Variants in VAPA observed in about 807,000 individuals in gnomAD.
VAPA encodes the protein VAMP associated protein A, also known as vesicle-associated membrane protein-associated protein A.
In VAPA, 6 loss-of-function variants were observed where a neutral mutation model predicts 25.6. That is an observed-to-expected ratio of 0.23 (90% CI 0.13 to 0.46). The LOEUF (loss-of-function observed/expected upper bound fraction) is 0.46. VAPA is among the 20% of genes least tolerant of loss of function. VAPA has a pLI of 0.99. For missense variants in VAPA, 244 were observed against 302.1 expected (o/e 0.81, Z 1.43); for synonymous variants, 112 against 106.2 (o/e 1.05, Z -0.34).
rs2069548122 is a variant in VAPA at position 9,956,141 on chromosome 18, T to C, written c.*1930T>C. On this transcript the variant is annotated 3_prime_UTR_variant, in exon 6 of 6. Transcript: ENST00000400000. Reference sequence around the variant, plus strand: ...AATTCATTTTGTTCAGCCCCTTTGTTCTATGGTTGAGAAATCTGAGGCCTT... The same window carrying C: ...AATTCATTTTGTTCAGCCCCTTTGTCCTATGGTTGAGAAATCTGAGGCCTT... 6.6e-6 allele frequency: 1 copy of C among 152,140 alleles called. No individual in the cohort carries two copies. The highest frequency in any genetic ancestry group is 2.4e-5 in the African/African-American group (1 of 41,418). The allele number at this position is 152,140 out of a possible 1,614,324, so 9.4% of individuals were successfully genotyped here. A position where few individuals can be genotyped will look rare whatever the true frequency, so the allele number is the denominator to read the frequency against.
chr18:9,946,292 A>G (rs2069422693), intron 4 of VAPA, among the ~76,000 whole-genome samples: 1 of 152,172 alleles, frequency 6.6e-6, no homozygotes, highest in Admixed American at 6.5e-5. Flanking sequence ...TTTTGCTCCT[A>G]GGCTACAGAC....
rs1427473781 is a variant in VAPA at position 9,950,616 on chromosome 18, A to G, written c.591+48A>G. The G allele has an allele frequency of 3.8e-6, 6 of 1,576,058 alleles. No individual in the cohort carries two copies. In the Admixed American group the frequency reaches 7.9e-5, roughly 21 times the overall value. On this transcript the variant is annotated intron_variant, in intron 5 of 5. Transcript: ENST00000400000. Reference sequence around the variant, plus strand: ...AAATTGATTGAAATGAAGGTATAGGACATGTGAGTGTTATTAGGCCATTTT... The same window carrying G: ...AAATTGATTGAAATGAAGGTATAGGGCATGTGAGTGTTATTAGGCCATTTT...
intron 1 of VAPA, chr18:9,914,781 C>G (rs1462774841): frequency 2.0e-5 from 3 of 152,408 alleles, no homozygotes; most frequent in Non-Finnish European, 4.4e-5. Context: ...GGAGTGGGCT[C>G]TGGAGGTGGC....
intron 4 of VAPA, among the ~76,000 whole-genome samples, chr18:9,939,518 CTTTTT>C (rs77169950): frequency 2.3e-5 from 3 of 133,154 alleles, no homozygotes; most frequent in Admixed American, 7.4e-5. Flanking sequence ...CGTTTCCTCT[CTTTTT>C]TTTTTTTTTT....
chr18:9,948,516 C>T (rs183818968), intron 4 of VAPA: 146 of 152,172 alleles, frequency 9.6e-4, no homozygotes, highest in African/African-American at 3.1e-3. Flanking sequence ...AATCAGTTGT[C>T]GAGCTTGATG....
At position 9,957,779 on chromosome 18, in the gene VAPA, C is replaced by CTAA. The variant is rs1320980295; in HGVS notation, c.*3570_*3572dup. ...TTTATATCCTGTTAAGCATTAATAGCTAATCACTGGGACTTGAATTCTGAT... is the reference window on the plus strand; with the variant it reads ...TTTATATCCTGTTAAGCATTAATAGCTAATAATCACTGGGACTTGAATTCTGAT... On this transcript the variant is annotated 3_prime_UTR_variant, in exon 6 of 6. Transcript: ENST00000400000. The CTAA allele has an allele frequency of 6.6e-6, 1 of 152,212 alleles. No individual in the cohort carries two copies. The highest frequency in any genetic ancestry group is 1.9e-4 in the East Asian group (1 of 5,192). The allele number at this position is 152,212 out of a possible 1,614,324, so 9.4% of individuals were successfully genotyped here.
rs955956154 is a variant in VAPA, at chr18:9,931,858, C to T, written c.128C>T (p.Ser43Leu). 5.6e-6 allele frequency: 9 copies of T among 1,613,618 alleles called. No homozygotes were observed. Among genetic ancestry groups the T allele is most frequent in the Admixed American group, 1.7e-5 (1 of 59,942 alleles). ...ACAAATCTTAAATTGCGAAATCCAT[C>T]GGATAGAAAAGTGTGTTTCAAAGTG... is the stretch of plus-strand genomic sequence containing the variant. ...VTTNLKLRNP[S>L]DRKVCFKVKT... is the part of the protein sequence containing the mutation. The change falls in exon 2 of 6, where the codon TCG becomes TTG. Residue 43 changes from serine to leucine, a missense_variant. By Grantham distance (145) the Ser-to-Leu change is moderately radical. Transcript: ENST00000400000.
At chr18:9,940,839 T>C (rs2069359995) in intron 4 of VAPA, among the ~76,000 whole-genome samples, 1 of 152,230 alleles carries the variant, frequency 6.6e-6, no homozygotes, top group South Asian at 2.1e-4. Flanking sequence ...GATTGTAATA[T>C]ATCACCATTT....
chr18:9,918,764 A>T, intron 1 of VAPA, among the ~76,000 whole-genome samples: 1 of 152,126 alleles, frequency 6.6e-6, no homozygotes, highest in Admixed American at 6.5e-5. Context: ...TTTAATTCAC[A>T]TTTTACCGTC....
At chr18:9,943,085 A>T (rs965092408) in intron 4 of VAPA, among the ~76,000 whole-genome samples, 1 of 152,166 alleles carries the variant, frequency 6.6e-6, no homozygotes, top group Non-Finnish European at 1.5e-5. Context: ...TAGGACCTTG[A>T]TACTGGATAT....
chr18:9,924,492 G>A (rs1278165190), intron 1 of VAPA, among the ~76,000 whole-genome samples: 1 of 152,170 alleles, frequency 6.6e-6, no homozygotes. Context: ...TCTGTGTTAA[G>A]ACTATTGTTT....
chr18:9,948,032 T>C (rs2069444207), intron 4 of VAPA: 1 of 152,248 alleles, frequency 6.6e-6, no homozygotes, highest in Admixed American at 6.5e-5. Flanking sequence ...GGCACACTTT[T>C]GAAATGTGTT....
At position 9,950,459 on chromosome 18, in the gene VAPA, A is replaced by T. The variant is rs904516287; in HGVS notation, c.482A>T (p.Lys161Ile). The T allele has an allele frequency of 6.2e-7, 1 of 1,614,192 alleles. No individual in the cohort carries two copies. The highest frequency in any genetic ancestry group is 1.3e-5 in the African/African-American group (1 of 75,078). The change falls in exon 5 of 6, where the codon AAA becomes ATA. Residue 161 changes from lysine to isoleucine, a missense_variant. This residue lies in a region of VAPA where 145 missense variants were observed against 140.6 expected (regional missense o/e 1.03). Transcript: ENST00000400000. ...TCTAAGCAAGATGGACCTATGCCAA[A>T]ACCACACAGTGTTTCACTTAATGAT... ...NASKQDGPMP[K>I]PHSVSLNDTE...
rs115310430 is a variant in VAPA, at chr18:9,923,874, C to G, written c.80-7936C>G. The G allele has an allele frequency of 3.0e-3, 455 of 153,004 alleles. 6 individuals are homozygous for G. Among genetic ancestry groups the G allele is most frequent in the African/African-American group, 0.01 (432 of 41,518 alleles). The allele number at this position is 153,004 out of a possible 1,614,324, so 9.5% of individuals were successfully genotyped here. ...TTAAAAGTCCCTTGTTATATAAAAT[C>G]AGTGCTAAATTAGAAAATGGAAAAA... On this transcript the variant is annotated intron_variant, in intron 1 of 5. Transcript: ENST00000400000.
intron 1 of VAPA, chr18:9,915,027 C>G (rs1223818071): frequency 1.3e-5 from 2 of 152,566 alleles, no homozygotes; most frequent in African/African-American, 4.8e-5. Context: ...CTTGGAGGTG[C>G]CTGGCGAGGG....
At chr18:9,933,558 GAC>G (rs373618721) in intron 2 of VAPA, among the ~76,000 whole-genome samples, 43 of 152,122 alleles carry the variant, frequency 2.8e-4, no homozygotes, top group African/African-American at 9.9e-4. Context: ...TCTTTTTTGA[GAC>G]AGTGTCTTGC....
intron 4 of VAPA, among the ~76,000 whole-genome samples, chr18:9,944,627 T>C (rs766967078): frequency 2.6e-5 from 4 of 152,258 alleles, no homozygotes; most frequent in Admixed American, 6.5e-5. Context: ...TTAGATGGTA[T>C]TCATTTTAAA....
chr18:9,934,150 G>A (rs911651035), intron 2 of VAPA, among the ~76,000 whole-genome samples: 1 of 152,176 alleles, frequency 6.6e-6, no homozygotes, highest in African/African-American at 2.4e-5. Flanking sequence ...GTCACTCAAA[G>A]CTATGCTTCT....
chr18:9,929,962 G>T (rs935715685), intron 1 of VAPA, among the ~76,000 whole-genome samples: 1 of 152,080 alleles, frequency 6.6e-6, no homozygotes. Flanking sequence ...CCCACTATCT[G>T]TATTGACAAT....
Sources: gnomAD v4.1 joint callset for allele counts (sites outside exome capture counted in the v4.1 genomes callset) on GRCh38, gnomAD v4.1.1 for gene constraint, gnomAD v4.1.1 regional missense constraint, MANE v1.5 for transcripts, NCBI Gene and HGNC (gene_info 2026-07-23, HGNC 2026-07-21) for gene names.